Variants in CYP2C19 observed in about 807,000 individuals in gnomAD.
CYP2C19 encodes the protein cytochrome P450 2C19.
A neutral mutation model predicts 40.9 loss-of-function variants in CYP2C19; 59 were observed. The ratio of observed to expected loss-of-function variants is 1.44; its 90% CI spans 1.17 to 1.79. The LOEUF (loss-of-function observed/expected upper bound fraction) is 1.79, where lower values mean the gene tolerates loss of function less well. Among genes scored for constraint, CYP2C19 ranks in the 40% most tolerant of loss-of-function variants. CYP2C19 has a pLI of 0.00. For synonymous variants in CYP2C19, 253 were observed against 208.7 expected (o/e 1.21, Z -1.83); for missense variants, 754 against 596.9 (o/e 1.26, Z -2.74).
At chr10:94,786,447 C>G (rs1187442590) in intron 5 of CYP2C19, among the ~76,000 whole-genome samples, 1 of 151,984 alleles carries the variant, frequency 6.6e-6, no homozygotes, top group Admixed American at 6.6e-5. Context: ...GTTTGAAAGG[C>G]AAGTTTACCT....
At position 94,842,905 on chromosome 10, in the gene CYP2C19, C is replaced by T. The variant is rs55681001; in HGVS notation, c.1030C>T (p.His344Tyr). 6.2e-7 allele frequency: 1 copy of T among 1,614,180 alleles called. No individual in the cohort carries two copies. Among genetic ancestry groups the T allele is most frequent in the African/African-American group, 1.3e-5 (1 of 75,050 alleles). ...NRSPCMQDRG[H>Y]MPYTDAVVHE... is the part of the protein sequence containing the mutation. ...GAGCCCCTGCATGCAGGACAGGGGC[C>T]ACATGCCCTACACAGATGCTGTGGT... The change falls in exon 7 of 9, where the codon CAC (histidine) becomes TAC (tyrosine). Residue 344 changes from histidine (H) to tyrosine (Y), a missense_variant. Coordinates refer to ENST00000371321, the MANE Select transcript of CYP2C19 (RefSeq NM_000769.4).
At chr10:94,786,137 C>T (rs1433186060) in intron 5 of CYP2C19, among the ~76,000 whole-genome samples, 3 of 152,070 alleles carry the variant, frequency 2.0e-5, no homozygotes, top group Non-Finnish European at 4.4e-5. Context: ...CCTTAACCCA[C>T]TCAGATGTGT....
chr10:94,775,380 T>C lies in CYP2C19; in HGVS notation c.332-10T>C. On this transcript the variant is annotated splice_polypyrimidine_tract_variant and intron_variant, in intron 2 of 8. Transcript: ENST00000371321. ...GATCTCCCTCCTAGTTTCGTTTCTC[T>C]TCCTGTTAGGAATCGTTTTCAGCAA... 8 of 1,613,872 alleles carry C rather than the reference T, an allele frequency of 5.0e-6. No individual in the cohort carries two copies. Among genetic ancestry groups the C allele is most frequent in the Non-Finnish European group, 6.8e-6 (8 of 1,180,002 alleles).
At chr10:94,816,825 G>A (rs1371252019) in intron 5 of CYP2C19, among the ~76,000 whole-genome samples, 5 of 148,536 alleles carry the variant, frequency 3.4e-5, no homozygotes, top group African/African-American at 7.5e-5. Context: ...GAGAATATAC[G>A]GTGTTTGGTT....
intron 5 of CYP2C19, among the ~76,000 whole-genome samples, chr10:94,789,279 T>A: frequency 1.3e-5 from 2 of 152,052 alleles, no homozygotes; most frequent in Non-Finnish European, 2.9e-5. Context: ...AAAAATTTTC[T>A]CCCATTCTCT....
intron 8 of CYP2C19, 101 bp from the exon 9 acceptor site, chr10:94,852,632 C>A: frequency 1.6e-6 from 2 of 1,286,010 alleles, no homozygotes; most frequent in Non-Finnish European, 2.2e-6. Flanking sequence ...ATTCACCGAA[C>A]AGTTCTTGCA....
chr10:94,774,558 G>C (rs1848379906), intron 1 of CYP2C19: 1 of 167,196 alleles, frequency 6.0e-6, no homozygotes, highest in Non-Finnish European at 1.3e-5. Context: ...ATAGAGAGGT[G>C]CTTTTACTAT....
intron 5 of CYP2C19, among the ~76,000 whole-genome samples, chr10:94,799,622 T>G (rs1378980879): frequency 6.6e-6 from 1 of 152,180 alleles, no homozygotes; most frequent in Non-Finnish European, 1.5e-5. Flanking sequence ...CCCTATCACT[T>G]TCTGGTACAC....
At chr10:94,793,276 A>G (rs930962419) in intron 5 of CYP2C19, among the ~76,000 whole-genome samples, 2 of 152,050 alleles carry the variant, frequency 1.3e-5, no homozygotes, top group African/African-American at 4.8e-5. Context: ...TCAAGGTTTT[A>G]ACTTCTTTGT....
intron 5 of CYP2C19, among the ~76,000 whole-genome samples, chr10:94,796,290 C>G (rs1173859085): frequency 1.3e-5 from 2 of 152,096 alleles, no homozygotes; most frequent in Non-Finnish European, 2.9e-5. Context: ...TCAGGCTTGT[C>G]AAAGATCAGA....
chr10:94,830,236 G>C (rs541888559), intron 6 of CYP2C19, among the ~76,000 whole-genome samples: 3 of 152,228 alleles, frequency 2.0e-5, no homozygotes, highest in South Asian at 2.1e-4. Flanking sequence ...GGGCAATGGC[G>C]GGCGCCCCTC....
At chr10:94,826,656 C>A (rs1463277282) in intron 6 of CYP2C19, among the ~76,000 whole-genome samples, 2 of 152,190 alleles carry the variant, frequency 1.3e-5, no homozygotes, top group South Asian at 4.1e-4. Context: ...TTATTTCCTT[C>A]TCCTGCCTAA....
chr10:94,803,966 C>T (rs1204505516), intron 5 of CYP2C19, among the ~76,000 whole-genome samples: 1 of 151,830 alleles, frequency 6.6e-6, no homozygotes, highest in Non-Finnish European at 1.5e-5. Flanking sequence ...TGGGGTGGCT[C>T]AGGGTGCTGA....
chr10:94,828,455 A>C (rs1849268358), intron 6 of CYP2C19, among the ~76,000 whole-genome samples: 1 of 146,448 alleles, frequency 6.8e-6, no homozygotes, highest in Non-Finnish European at 1.5e-5. Flanking sequence ...GTTGGTTTAA[A>C]GTCTGTTTTA....
intron 5 of CYP2C19, among the ~76,000 whole-genome samples, chr10:94,815,552 C>G (rs1366240557): frequency 6.6e-6 from 1 of 152,238 alleles, no homozygotes; most frequent in Non-Finnish European, 1.5e-5. Flanking sequence ...TTTGAGAACT[C>G]CAGTCTCTGA....
intron 6 of CYP2C19, among the ~76,000 whole-genome samples, chr10:94,823,979 C>CAA (rs1564676974): frequency 1.3e-5 from 2 of 152,058 alleles, no homozygotes; most frequent in African/African-American, 4.8e-5. Flanking sequence ...ACAGCAAGAA[C>CAA]AAGAGATGTG....
intron 5 of CYP2C19, among the ~76,000 whole-genome samples, chr10:94,819,020 A>T (rs968773313): frequency 6.7e-6 from 1 of 149,998 alleles, no homozygotes; most frequent in Non-Finnish European, 1.5e-5. Flanking sequence ...GTAAAAGAAC[A>T]GAAATTATAA....
intron 6 of CYP2C19, among the ~76,000 whole-genome samples, chr10:94,841,516 C>T (rs1396254361): frequency 6.6e-6 from 1 of 152,052 alleles, no homozygotes; most frequent in African/African-American, 2.4e-5. Flanking sequence ...AGGGAGGGGA[C>T]CCAAAGGGGG....
intron 6 of CYP2C19, among the ~76,000 whole-genome samples, chr10:94,821,441 A>T (rs530804718): frequency 6.6e-6 from 1 of 152,336 alleles, no homozygotes; most frequent in Non-Finnish European, 1.5e-5. Context: ...GCCTGAAAAA[A>T]TTCCTAGTCT....
Sources: gnomAD v4.1 joint callset for allele counts (sites outside exome capture counted in the v4.1 genomes callset) on GRCh38, gnomAD v4.1.1 for gene constraint, MANE v1.5 for transcripts, NCBI Gene and HGNC (gene_info 2026-07-23, HGNC 2026-07-21) for gene names.